The following NRCAM variants were observed in gnomAD, a reference collection of about 807,000 sequenced individuals.
The protein encoded by NRCAM is neuronal cell adhesion molecule.
A neutral mutation model predicts 156.5 loss-of-function variants in NRCAM; 83 were observed. The observed-to-expected ratio is 0.53, with a 90% CI of 0.44 to 0.64. The LOEUF is 0.64. Ranked by LOEUF, NRCAM falls within the 30% of genes least tolerant of loss-of-function variation. The pLI is 0.00. For synonymous variants in NRCAM, 538 were observed against 563.9 expected, an observed-to-expected ratio of 0.95 and a Z score of 0.65; for missense variants, 1,417 against 1,597.3, an observed-to-expected ratio of 0.89 and a Z score of 1.92.
chr7:108,156,864 G>T (rs2045804167), intron 32 of NRCAM, among the ~76,000 whole-genome samples: 1 of 152,096 alleles, frequency 6.6e-6, no homozygotes, highest in Non-Finnish European at 1.5e-5. Flanking sequence ...AAAAATAAAA[G>T]ATTCTGTTAA....
At chr7:108,308,122 C>T (rs940758725) in intron 3 of NRCAM, among the ~76,000 whole-genome samples, 1 of 152,158 alleles carries the variant, frequency 6.6e-6, no homozygotes, top group Non-Finnish European at 1.5e-5. Context: ...ATAAGGGATG[C>T]CATTTATAAC....
chr7:108,342,840 T>C lies in NRCAM; in HGVS notation c.-173-30109A>G, dbSNP rs1458650110. Among the ~76,000 whole-genome samples, 5 of 152,206 alleles carry C rather than the reference T, an allele frequency of 3.3e-5. No homozygotes were observed. The East Asian group carries it at 5.8e-4, about 18-fold the overall frequency. ...CTGTGTGGACATCTCATGATGTGAA[T>C]GGCATACTCACTGCTAAAGGAGACT... On this transcript the variant is annotated intron_variant, in intron 2 of 32. Transcript: ENST00000379028.
chr7:108,231,132 TC>T lies in NRCAM; in HGVS notation c.448del (p.Glu150LysfsTer14). ...TTGAAGTGTGATTGGTTCAAGTTTT[TC>T]TTTGGTCCACAATGGTGATCCTATT... ...RPSRSPLWTKEKLEPITLQSG... is the reference protein window; with the variant it reads ...RPSRSPLWTKXKLEPITLQSG... On this transcript the variant is annotated frameshift_variant, in exon 8 of 33. Transcript: ENST00000379028. LOFTEE classifies it high-confidence loss of function. The T allele has an allele frequency of 6.2e-7, 1 of 1,604,584 alleles. No homozygotes were observed. Among genetic ancestry groups the T allele is most frequent in the Non-Finnish European group, 8.5e-7 (1 of 1,176,658 alleles).
At chr7:108,414,623 G>A (rs1468685420) in intron 1 of NRCAM, among the ~76,000 whole-genome samples, 3 of 152,220 alleles carry the variant, frequency 2.0e-5, no homozygotes, top group African/African-American at 7.2e-5. Context: ...AATGTAATTA[G>A]AGGGCAAATT....
intron 32 of NRCAM, among the ~76,000 whole-genome samples, chr7:108,151,226 G>GAAAAAGGC (rs1380095287): frequency 6.6e-6 from 1 of 150,846 alleles, no homozygotes; most frequent in Non-Finnish European, 1.5e-5. Flanking sequence ...GAAAAAAATA[G>GAAAAAGGC]AAAAAGGCAA....
At chr7:108,344,682 C>G (rs1156895097) in intron 2 of NRCAM, among the ~76,000 whole-genome samples, 2 of 152,118 alleles carry the variant, frequency 1.3e-5, no homozygotes, top group Admixed American at 6.5e-5. Flanking sequence ...TACCAATTCC[C>G]TAAGTATTTA....
intron 22 of NRCAM, 59 bp from the exon 23 acceptor site, chr7:108,182,979 CA>C: frequency 7.4e-7 from 1 of 1,354,308 alleles, no homozygotes; most frequent in Non-Finnish European, 1.0e-6. Context: ...CAATCTTTTA[CA>C]GGAACAGCAA....
chr7:108,250,425 C>A (rs1443363073), intron 3 of NRCAM, among the ~76,000 whole-genome samples: 40 of 67,394 alleles, frequency 5.9e-4, no homozygotes, highest in Non-Finnish European at 6.8e-4. Flanking sequence ...CATCTTACCT[C>A]AAAAAAAAAA....
intron 2 of NRCAM, among the ~76,000 whole-genome samples, chr7:108,378,110 G>T (rs2099684065): frequency 6.6e-6 from 1 of 152,000 alleles, no homozygotes; most frequent in Non-Finnish European, 1.5e-5. Context: ...ACATGAAAAA[G>T]ACATCATGAG....
At chr7:108,213,858 T>C (rs558260539) in intron 11 of NRCAM, among the ~76,000 whole-genome samples, 1 of 152,230 alleles carries the variant, frequency 6.6e-6, no homozygotes, top group South Asian at 2.1e-4. Flanking sequence ...GATGATCATG[T>C]GGTTTTTGTC....
chr7:108,206,999 A>G (rs2081511035), intron 13 of NRCAM, among the ~76,000 whole-genome samples: 1 of 152,178 alleles, frequency 6.6e-6, no homozygotes, highest in Admixed American at 6.5e-5. Context: ...TCAGGGTCAG[A>G]GGATGTGTTC....
At chr7:108,381,126 A>G (rs2099699055) in intron 2 of NRCAM, among the ~76,000 whole-genome samples, 1 of 151,892 alleles carries the variant, frequency 6.6e-6, no homozygotes, top group East Asian at 1.9e-4. Context: ...CATTAAAACT[A>G]TTTTGCAAGA....
Position 108,344,560 on chromosome 7 carries a change from A to G in NRCAM, c.-173-31829T>C, listed in dbSNP as rs576245370. ...AACACGTCTAATATTTCCATAACTC[A>G]TTTTTTGCTGCTATGAAGAGTAACA... On this transcript the variant is annotated intron_variant, in intron 2 of 32. Coordinates refer to ENST00000379028, the MANE Select transcript of NRCAM (RefSeq NM_001037132.4). Among the ~76,000 whole-genome samples the G allele has an allele frequency of 3.9e-5, 6 of 152,236 alleles. No individual in the cohort carries two copies. In the South Asian group the frequency reaches 1.2e-3, roughly 32 times the overall value.
intron 1 of NRCAM, among the ~76,000 whole-genome samples, chr7:108,400,127 T>C (rs574806329): frequency 1.6e-4 from 24 of 152,262 alleles, no homozygotes; most frequent in Admixed American, 7.2e-4. Flanking sequence ...ATATGGCATC[T>C]GGAATAAAGG....
intron 3 of NRCAM, among the ~76,000 whole-genome samples, chr7:108,307,174 A>G (rs1001240728): frequency 6.6e-6 from 1 of 152,240 alleles, no homozygotes; most frequent in African/African-American, 2.4e-5. Flanking sequence ...CAAAAGACCC[A>G]TGTGTAAAAG....
intron 1 of NRCAM, among the ~76,000 whole-genome samples, chr7:108,454,752 A>T (rs1174474501): frequency 6.6e-6 from 1 of 152,188 alleles, no homozygotes; most frequent in Admixed American, 6.5e-5. Flanking sequence ...GTGCACAACC[A>T]ATGCTTCCTG....
intron 26 of NRCAM, among the ~76,000 whole-genome samples, chr7:108,177,321 G>T (rs1047334993): frequency 1.3e-5 from 2 of 152,018 alleles, no homozygotes; most frequent in Non-Finnish European, 2.9e-5. Context: ...GGCGAGATAG[G>T]GAGATATCAG....
intron 2 of NRCAM, among the ~76,000 whole-genome samples, chr7:108,380,273 A>G (rs1276299983): frequency 6.6e-6 from 1 of 152,232 alleles, no homozygotes; most frequent in African/African-American, 2.4e-5. Context: ...AAATATTTAA[A>G]GTTATGTAAC....
chr7:108,273,270 G>A (rs1358998954), intron 3 of NRCAM, among the ~76,000 whole-genome samples: 3 of 152,132 alleles, frequency 2.0e-5, no homozygotes, highest in Non-Finnish European at 4.4e-5. Context: ...CTCAGTAATG[G>A]GATGGCTGGG....
Sources: allele counts gnomAD v4.1 joint callset (sites outside exome capture counted in the v4.1 genomes callset), GRCh38; gene constraint gnomAD v4.1.1; transcripts MANE v1.5; gene names NCBI Gene and HGNC (gene_info 2026-07-23, HGNC 2026-07-21).